The following STXBP5L variants were observed in gnomAD, a reference collection of about 807,000 sequenced individuals.
STXBP5L encodes the protein syntaxin binding protein 5L.
STXBP5L carries 65 observed loss-of-function variants against 144.5 expected under a neutral mutation model. The ratio of observed to expected loss-of-function variants is 0.45; its 90% confidence interval spans 0.37 to 0.55. STXBP5L has a LOEUF of 0.55. Among genes scored for constraint, STXBP5L ranks in the 20% least tolerant of loss-of-function variants. The pLI, the probability that STXBP5L is intolerant of heterozygous loss-of-function variation, is 0.00. For missense variants in STXBP5L, 1,298 were observed against 1,405.5 expected (o/e 0.92, Z 1.22); for synonymous variants, 505 against 469.6 (o/e 1.08, Z -0.97).
At chr3:121,334,319 A>G (rs2044426517) in intron 20 of STXBP5L, among the ~76,000 whole-genome samples, 1 of 152,180 alleles carries the variant, frequency 6.6e-6, no homozygotes, top group African/African-American at 2.4e-5. Flanking sequence ...CCAGATATGC[A>G]AAGAAGAAAT....
chr3:121,164,764 A>T (rs990051733), intron 9 of STXBP5L, among the ~76,000 whole-genome samples: 5 of 152,218 alleles, frequency 3.3e-5, no homozygotes, highest in African/African-American at 9.6e-5. Flanking sequence ...GGAGGACATT[A>T]TGCTAAGTGA....
intron 20 of STXBP5L, among the ~76,000 whole-genome samples, chr3:121,365,475 T>C (rs2045838519): frequency 6.6e-6 from 1 of 151,784 alleles, no homozygotes; most frequent in South Asian, 2.1e-4. Flanking sequence ...CTATTCACGG[T>C]TTGTATTTCT....
intron 18 of STXBP5L, among the ~76,000 whole-genome samples, chr3:121,259,475 C>T (rs2050317301): frequency 6.6e-6 from 1 of 151,780 alleles, no homozygotes; most frequent in South Asian, 2.1e-4. Context: ...TGGATACTTT[C>T]TTTTGACTTA....
chr3:121,041,031 T>G (rs1028037222), intron 3 of STXBP5L, among the ~76,000 whole-genome samples: 1 of 151,876 alleles, frequency 6.6e-6, no homozygotes. Flanking sequence ...AATATGTAAG[T>G]AAATTTTGTT....
chr3:121,159,932 G>A (rs1400013509), intron 9 of STXBP5L, among the ~76,000 whole-genome samples: 3 of 151,920 alleles, frequency 2.0e-5, no homozygotes, highest in East Asian at 1.9e-4. Flanking sequence ...GCGCCCGGCC[G>A]ACATTTTCTA....
At chr3:121,130,158 T>A (rs2044910262) in intron 7 of STXBP5L, among the ~76,000 whole-genome samples, 3 of 152,108 alleles carry the variant, frequency 2.0e-5, no homozygotes, top group African/African-American at 7.2e-5. Context: ...CTACTTGGGA[T>A]GTATGATTTT....
chr3:121,307,709 A>G (rs2043386457), intron 19 of STXBP5L, among the ~76,000 whole-genome samples: 1 of 152,170 alleles, frequency 6.6e-6, no homozygotes, highest in Non-Finnish European at 1.5e-5. Context: ...CATATACATA[A>G]TAGGATTAGC....
chr3:121,366,836 G>C (rs1445917217), intron 20 of STXBP5L, among the ~76,000 whole-genome samples: 3 of 151,988 alleles, frequency 2.0e-5, no homozygotes, highest in South Asian at 4.1e-4. Flanking sequence ...ATTACTGTTT[G>C]TGTGTGGTCT....
At chr3:121,076,259 A>G (rs1243924874) in intron 5 of STXBP5L, among the ~76,000 whole-genome samples, 1 of 151,964 alleles carries the variant, frequency 6.6e-6, no homozygotes, top group African/African-American at 2.4e-5. Flanking sequence ...TCCTCTCTGC[A>G]TGGTGTTGCT....
At chr3:121,262,378 C>T (rs189303456) in intron 18 of STXBP5L, among the ~76,000 whole-genome samples, 24 of 152,288 alleles carry the variant, frequency 1.6e-4, no homozygotes, top group Non-Finnish European at 3.2e-4. Context: ...GCCTGTAATC[C>T]CAGCACTTCG....
chr3:121,044,134 A>G (rs755195596), intron 4 of STXBP5L, among the ~76,000 whole-genome samples: 25 of 152,184 alleles, frequency 1.6e-4, no homozygotes, highest in Admixed American at 3.9e-4. Flanking sequence ...GTTCATGTTA[A>G]GATGTATATA....
chr3:120,950,324 A>G (rs1414131314), intron 2 of STXBP5L, among the ~76,000 whole-genome samples: 2 of 152,036 alleles, frequency 1.3e-5, no homozygotes, highest in South Asian at 2.1e-4. Flanking sequence ...AAATCAATGG[A>G]CTGAAAATGT....
intron 3 of STXBP5L, among the ~76,000 whole-genome samples, chr3:121,003,926 A>G (rs1311797180): frequency 6.6e-6 from 1 of 152,214 alleles, no homozygotes; most frequent in Non-Finnish European, 1.5e-5. Flanking sequence ...TTTTGGTACC[A>G]GTACCACGCT....
At chr3:121,045,335 C>T (rs769558809) in intron 4 of STXBP5L, 100 bp from the exon 5 acceptor site, 13 of 1,008,624 alleles carry the variant, frequency 1.3e-5, no homozygotes, top group African/African-American at 3.3e-5. Flanking sequence ...ACAAAAGTAA[C>T]TCTTCAGGTA....
chr3:121,398,626 T>C (rs1576354477), intron 22 of STXBP5L, among the ~76,000 whole-genome samples: 1 of 152,336 alleles, frequency 6.6e-6, no homozygotes. Context: ...TACATTCTTT[T>C]TTAGTATGAC....
At chr3:121,178,830 G>A (rs1274695802) in intron 9 of STXBP5L, among the ~76,000 whole-genome samples, 1 of 152,196 alleles carries the variant, frequency 6.6e-6, no homozygotes, top group Non-Finnish European at 1.5e-5. Context: ...CACCCTGAGG[G>A]AAGGCAGCCA....
intron 20 of STXBP5L, among the ~76,000 whole-genome samples, chr3:121,347,661 A>T (rs2045058736): frequency 1.3e-5 from 2 of 152,158 alleles, no homozygotes; most frequent in Admixed American, 1.3e-4. Context: ...TTCTTCTTGA[A>T]GAGATCCTTA....
chr3:121,268,970 C>A (rs1381800435), intron 18 of STXBP5L, among the ~76,000 whole-genome samples: 1 of 152,096 alleles, frequency 6.6e-6, no homozygotes, highest in Non-Finnish European at 1.5e-5. Context: ...CTTTATCATT[C>A]TTCTTCTTAT....
chr3:120,912,235 T>G (rs1168174204), intron 2 of STXBP5L, among the ~76,000 whole-genome samples: 1 of 152,038 alleles, frequency 6.6e-6, no homozygotes, highest in Non-Finnish European at 1.5e-5. Context: ...TTCATTTTGT[T>G]ACAATAATGG....
Sources: gnomAD v4.1 joint callset for allele counts (sites outside exome capture counted in the v4.1 genomes callset) on GRCh38, gnomAD v4.1.1 for gene constraint, MANE v1.5 for transcripts, NCBI Gene and HGNC (gene_info 2026-07-23, HGNC 2026-07-21) for gene names.